Variants in PAPOLA observed in about 807,000 individuals in gnomAD.
PAPOLA encodes the protein polynucleotide adenylyltransferase alpha.
PAPOLA carries 15 observed loss-of-function variants against 100.6 expected under a neutral mutation model. The ratio of observed to expected loss-of-function variants is 0.15; its 90% CI spans 0.10 to 0.23. The LOEUF (loss-of-function observed/expected upper bound fraction) is 0.23. Among genes scored for constraint, PAPOLA ranks in the 10% least tolerant of loss-of-function variants. The pLI is 1.00. For synonymous variants in PAPOLA, 293 were observed against 300.0 expected (o/e 0.98, Z 0.24); for missense variants, 533 against 884.2 (o/e 0.60, Z 5.04).
At chr14:96,512,324 G>C (rs1003256495) in intron 1 of PAPOLA, among the ~76,000 whole-genome samples, 1 of 151,960 alleles carries the variant, frequency 6.6e-6, no homozygotes, top group South Asian at 2.1e-4. Flanking sequence ...AGGATCGCCT[G>C]AGCTCAAGAG....
chr14:96,502,379 T>C (rs1896325437), upstream of PAPOLA: 1 of 697,914 alleles, frequency 1.4e-6, no homozygotes, highest in Non-Finnish European at 2.6e-6. Flanking sequence ...CGTCAGCAGT[T>C]CTAGAACGTT....
intron 1 of PAPOLA, among the ~76,000 whole-genome samples, chr14:96,509,260 G>A (rs970262044): frequency 1.3e-5 from 2 of 152,076 alleles, no homozygotes; most frequent in South Asian, 2.1e-4. Context: ...TCAAACTCCC[G>A]GGCTCAAGCA....
chr14:96,564,690 T>A lies in PAPOLA; in HGVS notation c.2143-265T>A, dbSNP rs187928192. ...TAGGTGATTCTTAGAGGAACAATTTTAAAAACTATTTGAAATTACTTAGGA... is the reference window on the plus strand; with the variant it reads ...TAGGTGATTCTTAGAGGAACAATTTAAAAAACTATTTGAAATTACTTAGGA... On this transcript the variant is annotated intron_variant, in intron 21 of 21. Coordinates refer to ENST00000216277, the MANE Select transcript of PAPOLA (RefSeq NM_032632.5). Among the ~76,000 whole-genome samples, 206 of 152,190 alleles carry A rather than the reference T, an allele frequency of 1.4e-3. 1 individual carries two copies. The highest frequency in any genetic ancestry group is 4.8e-3 in the African/African-American group (200 of 41,582).
chr14:96,529,888 G>A (rs1418463741), intron 6 of PAPOLA, among the ~76,000 whole-genome samples: 1 of 152,152 alleles, frequency 6.6e-6, no homozygotes, highest in Non-Finnish European at 1.5e-5. Context: ...AATTTTGTCA[G>A]CGGAATTCTA....
At chr14:96,558,466 GT>G (rs1901543002) in intron 19 of PAPOLA, among the ~76,000 whole-genome samples, 1 of 152,102 alleles carries the variant, frequency 6.6e-6, no homozygotes, top group Non-Finnish European at 1.5e-5. Flanking sequence ...CTCTAAATAA[GT>G]TTGTACTAGT....
At chr14:96,558,956 C>T (rs2140333375) in intron 19 of PAPOLA, among the ~76,000 whole-genome samples, 1 of 151,280 alleles carries the variant, frequency 6.6e-6, no homozygotes, top group South Asian at 2.1e-4. Context: ...TGTTTGATAT[C>T]TCTAAGTGTC....
At chr14:96,543,661 CTG>C (rs1482538055) in intron 14 of PAPOLA, among the ~76,000 whole-genome samples, 1 of 151,886 alleles carries the variant, frequency 6.6e-6, no homozygotes, top group East Asian at 1.9e-4. Flanking sequence ...AGTAGATAAA[CTG>C]TTAAATGTTC....
At chr14:96,549,344 G>T (rs1900651999) in intron 16 of PAPOLA, among the ~76,000 whole-genome samples, 1 of 151,906 alleles carries the variant, frequency 6.6e-6, no homozygotes, top group Non-Finnish European at 1.5e-5. Context: ...CGCCTCCTGG[G>T]TTCACGCCAT....
Position 96,532,284 on chromosome 14 carries a change from TTGTGTG to T in PAPOLA, c.608-29_608-24del, listed in dbSNP as rs10533972. The T allele has an allele frequency of 6.4e-5, 91 of 1,431,706 alleles. 1 individual carries two copies. In the Middle Eastern group the frequency reaches 7.8e-4, roughly 12 times the overall value. 88.7% of individuals were successfully genotyped at this position (1,431,706 alleles called of 1,614,324 possible). On this transcript the variant is annotated intron_variant, in intron 7 of 21. Coordinates refer to ENST00000216277, the MANE Select transcript of PAPOLA (RefSeq NM_032632.5). ...TTGTTTTTTTTTGTTTTGTTTTGTT[TTGTGTG>T]TGTGTGTGTGTGTGTGTTTTTTTTT...
chr14:96,505,613 T>C (rs1383415108), intron 1 of PAPOLA, among the ~76,000 whole-genome samples: 1 of 152,074 alleles, frequency 6.6e-6, no homozygotes, highest in Non-Finnish European at 1.5e-5. Context: ...GGAATTGTAG[T>C]AGTTTTACAT....
chr14:96,549,876 G>A (rs1223749743), intron 16 of PAPOLA, among the ~76,000 whole-genome samples: 2 of 152,114 alleles, frequency 1.3e-5, no homozygotes, highest in African/African-American at 4.8e-5. Flanking sequence ...TTTGGACCCG[G>A]GAATGGTGGC....
At chr14:96,540,428 T>A (rs566908366) in intron 12 of PAPOLA, among the ~76,000 whole-genome samples, 102 of 151,780 alleles carry the variant, frequency 6.7e-4, no homozygotes, top group African/African-American at 2.3e-3. Context: ...TTTTTTTTTT[T>A]AACCAGTTAG....
rs775485085 is a variant in PAPOLA, at chr14:96,527,411, T to C, written c.332-19T>C. The C allele has an allele frequency of 5.5e-6, 8 of 1,461,180 alleles. No individual in the cohort carries two copies. In the South Asian group the frequency reaches 9.2e-5, roughly 17 times the overall value. The allele number at this position is 1,461,180 out of a possible 1,614,324, so 90.5% of individuals were successfully genotyped here. ...TCTTGTAATATTAATTAGTGGTTGA[T>C]GGGCTTAATTTTTTTTAGGTGCTGA... On this transcript the variant is annotated intron_variant, in intron 4 of 21. Transcript: ENST00000216277.
intron 21 of PAPOLA, 80 bp downstream of exon 21, chr14:96,562,973 A>G (rs2140342080): frequency 1.3e-6 from 1 of 779,352 alleles, no homozygotes; most frequent in Non-Finnish European, 2.2e-6. Flanking sequence ...GTGAGAGTTC[A>G]TAGAAGACTA....
chr14:96,549,197 A>G (rs73353004), intron 16 of PAPOLA, among the ~76,000 whole-genome samples: 2,296 of 151,952 alleles, frequency 0.015, 57 homozygotes, highest in African/African-American at 0.053. Context: ...AGGTAGATAG[A>G]TGGGGAGGGG....
At chr14:96,523,136 T>A (rs1898140626) in intron 3 of PAPOLA, among the ~76,000 whole-genome samples, 5 of 118,734 alleles carry the variant, frequency 4.2e-5, no homozygotes, top group Admixed American at 3.9e-4. Context: ...GAAAATAAGA[T>A]TTTTTTTTTG....
chr14:96,544,018 C>T, intron 14 of PAPOLA, 131 bp from the exon 15 acceptor site: 2 of 621,832 alleles, frequency 3.2e-6, no homozygotes, highest in Non-Finnish European at 5.8e-6. Context: ...TTTCATGGAG[C>T]TTGGGCTTAG....
intron 9 of PAPOLA, 101 bp downstream of exon 9, chr14:96,532,750 G>C: frequency 2.1e-6 from 3 of 1,439,070 alleles, no homozygotes; most frequent in Non-Finnish European, 2.7e-6. Context: ...TCAAATTTTA[G>C]TTCATGATGT....
At chr14:96,533,874 A>T in intron 9 of PAPOLA, 1 of 985,410 alleles carries the variant, frequency 1.0e-6, no homozygotes, top group Non-Finnish European at 1.2e-6. Context: ...TTTTAATGCT[A>T]CACATATATA....
Sources: allele counts gnomAD v4.1 joint callset (sites outside exome capture counted in the v4.1 genomes callset), GRCh38; gene constraint gnomAD v4.1.1; transcripts MANE v1.5; gene names NCBI Gene and HGNC (gene_info 2026-07-23, HGNC 2026-07-21).